The following SLC24A2 variants were observed in gnomAD, a reference collection of about 807,000 sequenced individuals.
SLC24A2 encodes sodium/potassium/calcium exchanger 2.
Under a neutral mutation model 62.0 loss-of-function variants are expected in SLC24A2, and 36 were observed. That is an observed-to-expected ratio of 0.58 (90% confidence interval 0.44 to 0.77). The LOEUF (loss-of-function observed/expected upper bound fraction) is 0.77, where lower values mean the gene tolerates loss of function less well. Ranked by LOEUF, SLC24A2 falls within the 30% of genes least tolerant of loss-of-function variation. The pLI is 0.00. For missense variants in SLC24A2, 846 were observed against 817.9 expected (o/e 1.03, Z -0.42); for synonymous variants, 358 against 294.0 (o/e 1.22, Z -2.23).
At chr9:19,718,010 T>C (rs1337587188) in intron 2 of SLC24A2, among the ~76,000 whole-genome samples, 1 of 149,280 alleles carries the variant, frequency 6.7e-6, no homozygotes, top group Non-Finnish European at 1.5e-5. Flanking sequence ...GGAGTCTCGC[T>C]CTGTCGCCCA....
At chr9:20,250,949 G>T in the SLC24A2 span, among the ~76,000 whole-genome samples, 1 of 152,058 alleles carries the variant, frequency 6.6e-6, no homozygotes, top group Admixed American at 6.5e-5. Flanking sequence ...TTCTCACCTC[G>T]ATTAATTAGA....
chr9:20,255,634 T>C, the SLC24A2 span, among the ~76,000 whole-genome samples: 3 of 152,296 alleles, frequency 2.0e-5, no homozygotes, highest in African/African-American at 7.2e-5. Flanking sequence ...AGAGGCTGCT[T>C]GGATTTCCTC....
At chr9:19,826,173 CAAAA>C in the SLC24A2 span, among the ~76,000 whole-genome samples, 499 of 110,736 alleles carry the variant, frequency 4.5e-3, 2 homozygotes, top group African/African-American at 0.014. Context: ...TGATGCATTG[CAAAA>C]AAAAAAAAAA....
At chr9:19,948,802 G>A in the SLC24A2 span, among the ~76,000 whole-genome samples, 1 of 136,606 alleles carries the variant, frequency 7.3e-6, no homozygotes, top group African/African-American at 2.7e-5. Flanking sequence ...CGGAGATCGC[G>A]CCACAGCACT....
the SLC24A2 span, among the ~76,000 whole-genome samples, chr9:20,201,099 A>G: frequency 6.6e-6 from 1 of 152,198 alleles, no homozygotes; most frequent in Non-Finnish European, 1.5e-5. Context: ...CTTCAAGTAC[A>G]CAGAGTGGGA....
At chr9:19,726,428 T>A (rs1287261062) in intron 2 of SLC24A2, among the ~76,000 whole-genome samples, 2 of 152,210 alleles carry the variant, frequency 1.3e-5, no homozygotes, top group African/African-American at 4.8e-5. Flanking sequence ...TTTGTTCATC[T>A]TGTTTTATTT....
the SLC24A2 span, among the ~76,000 whole-genome samples, chr9:20,018,248 A>C: frequency 6.6e-6 from 1 of 152,184 alleles, no homozygotes; most frequent in Admixed American, 6.5e-5. Flanking sequence ...CGCCCGGCCT[A>C]CTTTGCATCC....
At chr9:19,779,915 T>C (rs1459034666) in intron 2 of SLC24A2, among the ~76,000 whole-genome samples, 1 of 151,692 alleles carries the variant, frequency 6.6e-6, no homozygotes, top group Non-Finnish European at 1.5e-5. Context: ...ACAGAAAAAT[T>C]AGCTGGATGT....
the SLC24A2 span, among the ~76,000 whole-genome samples, chr9:20,041,520 G>T: frequency 1.3e-5 from 2 of 152,212 alleles, no homozygotes; most frequent in Non-Finnish European, 1.5e-5. Context: ...ATCCACCCAG[G>T]ACAGGGGTTT....
chr9:19,961,386 C>T, the SLC24A2 span, among the ~76,000 whole-genome samples: 1 of 152,106 alleles, frequency 6.6e-6, no homozygotes, highest in Non-Finnish European at 1.5e-5. Context: ...AGTATTTCCA[C>T]AAAACCCAAT....
At chr9:19,888,703 T>A in the SLC24A2 span, among the ~76,000 whole-genome samples, 1 of 152,182 alleles carries the variant, frequency 6.6e-6, no homozygotes, top group Non-Finnish European at 1.5e-5. Context: ...TCAGGGAAGC[T>A]GAACCACTCT....
chr9:19,917,412 C>T, the SLC24A2 span, among the ~76,000 whole-genome samples: 6 of 149,186 alleles, frequency 4.0e-5, no homozygotes, highest in Non-Finnish European at 8.9e-5. Context: ...TTTATTAGCA[C>T]ATTGTCAAAT....
chr9:20,117,796 T>C, the SLC24A2 span, among the ~76,000 whole-genome samples: 1 of 152,162 alleles, frequency 6.6e-6, no homozygotes, highest in Non-Finnish European at 1.5e-5. Flanking sequence ...TCAAAACTTA[T>C]GCTGAGCATT....
At chr9:19,939,552 G>A in the SLC24A2 span, among the ~76,000 whole-genome samples, 6 of 152,228 alleles carry the variant, frequency 3.9e-5, no homozygotes, top group South Asian at 2.1e-4. Context: ...TGCTCTGGGT[G>A]AGTCAGTGAG....
chr9:20,023,879 T>C, the SLC24A2 span, among the ~76,000 whole-genome samples: 1 of 152,228 alleles, frequency 6.6e-6, no homozygotes, highest in Non-Finnish European at 1.5e-5. Context: ...TACTTAGGAA[T>C]ATGTTTTCCG....
At chr9:19,659,283 G>T (rs1161484842) in intron 2 of SLC24A2, among the ~76,000 whole-genome samples, 3 of 152,172 alleles carry the variant, frequency 2.0e-5, no homozygotes, top group Non-Finnish European at 2.9e-5. Context: ...TTCCCTTACA[G>T]GTTTCAGAGG....
chr9:20,014,504 A>ATATG, the SLC24A2 span, among the ~76,000 whole-genome samples: 1 of 149,272 alleles, frequency 6.7e-6, no homozygotes, highest in Admixed American at 6.6e-5. Context: ...TGATATATAT[A>ATATG]TATATATATA....
chr9:20,226,328 A>T, the SLC24A2 span, among the ~76,000 whole-genome samples: 413 of 152,254 alleles, frequency 2.7e-3, 1 homozygote, highest in African/African-American at 9.4e-3. Flanking sequence ...GGAAATTTGC[A>T]GATCAAGTCC....
intron 2 of SLC24A2, among the ~76,000 whole-genome samples, chr9:19,744,742 G>A (rs943159348): frequency 1.3e-5 from 2 of 152,068 alleles, no homozygotes; most frequent in African/African-American, 4.8e-5. Context: ...TACTTCATTA[G>A]CCCCAACTAT....
Sources: gnomAD v4.1 joint callset for allele counts (sites outside exome capture counted in the v4.1 genomes callset) on GRCh38, gnomAD v4.1.1 for gene constraint, MANE v1.5 for transcripts, NCBI Gene and HGNC (gene_info 2026-07-23, HGNC 2026-07-21) for gene names.